PPP6C: variants seen among roughly 807,000 people sequenced by gnomAD.
The protein encoded by PPP6C is serine/threonine-protein phosphatase 6 catalytic subunit.
Under a neutral mutation model 39.8 loss-of-function variants are expected in PPP6C, and 11 were observed. That is an observed-to-expected ratio of 0.28 (90% confidence interval 0.17 to 0.46). The LOEUF (loss-of-function observed/expected upper bound fraction) is 0.46, where lower values mean the gene tolerates loss of function less well. PPP6C is among the 20% of genes least tolerant of loss of function. The pLI is 1.00. For missense variants in PPP6C, 211 were observed against 373.9 expected, an observed-to-expected ratio of 0.56 and a Z score of 3.59; for synonymous variants, 129 against 130.3, an observed-to-expected ratio of 0.99 and a Z score of 0.07.
At chr9:125,181,643 T>C (rs1829423778) in intron 1 of PPP6C, among the ~76,000 whole-genome samples, 1 of 152,240 alleles carries the variant, frequency 6.6e-6, no homozygotes. Context: ...GCTTCATCCA[T>C]GTCCCTGCAA....
intron 2 of PPP6C, among the ~76,000 whole-genome samples, chr9:125,164,062 T>A (rs1349003764): frequency 6.6e-6 from 1 of 151,900 alleles, no homozygotes; most frequent in Non-Finnish European, 1.5e-5. Flanking sequence ...GATCCTGAAC[T>A]CCTGACCTCA....
intron 4 of PPP6C, among the ~76,000 whole-genome samples, chr9:125,156,420 A>T (rs1836077214): frequency 6.6e-6 from 1 of 151,730 alleles, no homozygotes; most frequent in Admixed American, 6.6e-5. Context: ...ACTACAGGCA[A>T]GTGCCACCAT....
chr9:125,175,598 G>A lies in PPP6C; in HGVS notation c.76-4418C>T, dbSNP rs1298444012. 4.3e-5 allele frequency among the ~76,000 whole-genome samples: 6 copies of A among 140,918 alleles called. No individual in the cohort carries two copies. The South Asian group carries it at 6.7e-4, about 16-fold the overall frequency. 92.4% of individuals were successfully genotyped at this position (140,918 alleles called of 152,430 possible). ...GCGGAGCTTGCAGTGAGCAGAGATC[G>A]CACCACTGCACTCCAGCCTGGTCGA... On this transcript the variant is annotated intron_variant, in intron 1 of 6. Transcript: ENST00000373547.
At chr9:125,151,193 G>T (rs926701623) in intron 6 of PPP6C, 4 of 1,496,392 alleles carry the variant, frequency 2.7e-6, no homozygotes, top group Non-Finnish European at 3.7e-6. Flanking sequence ...ATTGCAGACA[G>T]GCTGAATGTG....
chr9:125,181,105 G>A (rs1203438948), intron 1 of PPP6C, among the ~76,000 whole-genome samples: 9 of 151,996 alleles, frequency 5.9e-5, no homozygotes, highest in South Asian at 2.1e-4. Context: ...TCGCTATCAC[G>A]CGCACACAAA....
chr9:125,151,086 GC>G, intron 6 of PPP6C: 1 of 1,327,938 alleles, frequency 7.5e-7, no homozygotes, highest in Non-Finnish European at 1.1e-6. Flanking sequence ...TGTATGCAGA[GC>G]CAGGTGTCCT....
rs904077261 is a variant in PPP6C, at chr9:125,147,856, C to G, written c.*1817G>C. 1 of 180,244 alleles carries G rather than the reference C, an allele frequency of 5.5e-6. No individual in the cohort carries two copies. Among genetic ancestry groups the G allele is most frequent in the African/African-American group, 2.4e-5 (1 of 41,532 alleles). The allele number at this position is 180,244 out of a possible 1,614,324, so 11.2% of individuals were successfully genotyped here. A position where few individuals can be genotyped will look rare whatever the true frequency, so the allele number is the denominator to read the frequency against. On this transcript the variant is annotated 3_prime_UTR_variant, in exon 7 of 7. Coordinates refer to ENST00000373547, the MANE Select transcript of PPP6C (RefSeq NM_002721.5). ...CTGTTCAAAGACCACACCAAGTTGTCTGCATCATTAATTTCCAGTGTTTCA... is the reference window on the plus strand; with the variant it reads ...CTGTTCAAAGACCACACCAAGTTGTGTGCATCATTAATTTCCAGTGTTTCA...
chr9:125,189,148 T>C (rs1829603645), intron 1 of PPP6C, among the ~76,000 whole-genome samples: 1 of 152,030 alleles, frequency 6.6e-6, no homozygotes, highest in African/African-American at 2.4e-5. Context: ...ACCAAACCAC[T>C]CGGGCCCACC....
chr9:125,168,100 C>A (rs11788062), intron 2 of PPP6C, among the ~76,000 whole-genome samples: 1 of 152,058 alleles, frequency 6.6e-6, no homozygotes, highest in African/African-American at 2.4e-5. Context: ...AAGGCACGAG[C>A]AGTTTTACCC....
intron 2 of PPP6C, among the ~76,000 whole-genome samples, chr9:125,164,209 CCTCA>C (rs1178128989): frequency 2.7e-5 from 4 of 149,730 alleles, no homozygotes; most frequent in Non-Finnish European, 5.9e-5. Flanking sequence ...TATGTCTCTC[CCTCA>C]CTCTCTTTTT....
intron 1 of PPP6C, among the ~76,000 whole-genome samples, chr9:125,171,478 C>CACATATATAT (rs1171157245): frequency 1.8e-3 from 150 of 83,398 alleles, no homozygotes; most frequent in African/African-American, 2.9e-3. Context: ...CACACACACA[C>CACATATATAT]ATATATATAT....
chr9:125,171,478 CATATATATATATATAT>C (rs59002869), intron 1 of PPP6C, among the ~76,000 whole-genome samples: 18 of 83,514 alleles, frequency 2.2e-4, no homozygotes, highest in South Asian at 1.2e-3. Flanking sequence ...CACACACACA[CATATATATATATATAT>C]ATATATATAT....
intron 2 of PPP6C, among the ~76,000 whole-genome samples, chr9:125,170,466 T>C (rs1230921248): frequency 6.6e-6 from 1 of 152,068 alleles, no homozygotes; most frequent in Admixed American, 6.6e-5. Flanking sequence ...CTCAAACTCC[T>C]GACCTCACGA....
At chr9:125,171,211 TTAC>T in intron 1 of PPP6C, 31 bp from the exon 2 acceptor site, 1 of 1,452,228 alleles carries the variant, frequency 6.9e-7, no homozygotes, top group Admixed American at 2.1e-5. Flanking sequence ...AGGTAAACAT[TTAC>T]TACAACATTA....
In PPP6C at chr9:125,152,052, G is replaced by A. The variant is rs186841528; in HGVS notation, c.669+1481C>T. Reference sequence around the variant, plus strand: ...CCTGGGCAACCCCAAACCTAGTCCCGGTGGCTGAGCACCCTGTAAGGCAGG... The same window carrying A: ...CCTGGGCAACCCCAAACCTAGTCCCAGTGGCTGAGCACCCTGTAAGGCAGG... On this transcript the variant is annotated intron_variant, in intron 6 of 6. Coordinates refer to ENST00000373547, the MANE Select transcript of PPP6C (RefSeq NM_002721.5). Among the ~76,000 whole-genome samples, 59 of 152,114 alleles carry A rather than the reference G, an allele frequency of 3.9e-4. 1 individual carries two copies. In the South Asian group the frequency reaches 7.3e-3, roughly 19 times the overall value.
rs1004968946 is a variant in PPP6C, at chr9:125,147,657, C to A, written c.*2016G>T. On this transcript the variant is annotated 3_prime_UTR_variant, in exon 7 of 7. Transcript: ENST00000373547. ...GACAAACAAATGCAGTACACAATGA[C>A]TTAAAAATAAAAGTCACATTATAGG... 2.6e-5 allele frequency: 4 copies of A among 152,098 alleles called. No homozygotes were observed. The highest frequency in any genetic ancestry group is 1.3e-4 in the Admixed American group (2 of 15,276). 9.4% of individuals were successfully genotyped at this position (152,098 alleles called of 1,614,324 possible).
intron 1 of PPP6C, among the ~76,000 whole-genome samples, chr9:125,184,050 T>C (rs1829472548): frequency 6.6e-6 from 1 of 152,040 alleles, no homozygotes; most frequent in Non-Finnish European, 1.5e-5. Context: ...CCTGAAGCAT[T>C]TGGGACCAGC....
At position 125,154,252 on chromosome 9, in the gene PPP6C, C is replaced by A. The variant is rs528499959; in HGVS notation, c.380-267G>T. The stretch of plus-strand genomic sequence containing the variant: ...GATTTCATCGTTGTGTGAACATCAT[C>A]GGATGTCCTTACATAAACCTAGATG... On this transcript the variant is annotated intron_variant, in intron 4 of 6. Transcript: ENST00000373547. 8.5e-5 allele frequency among the ~76,000 whole-genome samples: 13 copies of A among 152,330 alleles called. No homozygotes were observed. The South Asian group carries it at 2.5e-3, about 29-fold the overall frequency.
chr9:125,154,763 C>A (rs190889187), intron 4 of PPP6C, among the ~76,000 whole-genome samples: 2 of 152,192 alleles, frequency 1.3e-5, no homozygotes, highest in African/African-American at 2.4e-5. Flanking sequence ...CTTCTCAGGG[C>A]TAAGTTGTCT....
Sources: allele counts gnomAD v4.1 joint callset (sites outside exome capture counted in the v4.1 genomes callset), GRCh38; gene constraint gnomAD v4.1.1; transcripts MANE v1.5; gene names NCBI Gene and HGNC (gene_info 2026-07-23, HGNC 2026-07-21).